CHKA: variants seen among roughly 807,000 people sequenced by gnomAD.
The protein encoded by CHKA is choline kinase alpha, also known as CHETK-alpha.
CHKA carries 34 observed loss-of-function variants against 60.1 expected under a neutral mutation model. That is an observed-to-expected ratio of 0.57 (90% CI 0.43 to 0.75). CHKA has a LOEUF of 0.75. Among genes scored for constraint, CHKA ranks in the 30% least tolerant of loss-of-function variants. CHKA has a pLI of 0.00. For synonymous variants in CHKA, 217 were observed against 223.1 expected (o/e 0.97, Z 0.24); for missense variants, 563 against 561.3 (o/e 1.00, Z -0.03).
chr11:68,077,308 G>A (rs1856824706), intron 3 of CHKA, among the ~76,000 whole-genome samples: 1 of 152,108 alleles, frequency 6.6e-6, no homozygotes, highest in Admixed American at 6.5e-5. Flanking sequence ...GGACAGCAGA[G>A]AATCCTAGAA....
chr11:68,076,586 G>A (rs1856797661), intron 3 of CHKA, among the ~76,000 whole-genome samples: 1 of 152,126 alleles, frequency 6.6e-6, no homozygotes, highest in Non-Finnish European at 1.5e-5. Flanking sequence ...CCCTCATGCT[G>A]TGTAAAACAC....
At chr11:68,103,416 A>G (rs1321574447) in intron 1 of CHKA, among the ~76,000 whole-genome samples, 1 of 152,136 alleles carries the variant, frequency 6.6e-6, no homozygotes, top group African/African-American at 2.4e-5. Flanking sequence ...GCTGACCACC[A>G]CTAGTCATTA....
At chr11:68,101,053 TTC>T (rs1300011882) in intron 1 of CHKA, among the ~76,000 whole-genome samples, 14 of 141,642 alleles carry the variant, frequency 9.9e-5, no homozygotes, top group African/African-American at 3.4e-4. Flanking sequence ...GTTCACACCA[TTC>T]TCCTGCCTCA....
intron 11 of CHKA, among the ~76,000 whole-genome samples, chr11:68,058,910 T>TA (rs199938984): frequency 2.6e-5 from 4 of 152,184 alleles, no homozygotes; most frequent in Non-Finnish European, 5.9e-5. Context: ...CCTTTTTTTT[T>TA]ATTGAGACAG....
chr11:68,096,094 T>TG (rs1857507506), intron 2 of CHKA, among the ~76,000 whole-genome samples: 1 of 150,724 alleles, frequency 6.6e-6, no homozygotes, highest in African/African-American at 2.4e-5. Flanking sequence ...CCGGGTGCGG[T>TG]GGCTCATGCC....
chr11:68,059,804 A>G (rs1174254581), intron 11 of CHKA, among the ~76,000 whole-genome samples: 2 of 152,168 alleles, frequency 1.3e-5, no homozygotes. Flanking sequence ...GGGCCAGCAT[A>G]TGGTCTATCT....
At position 68,076,194 on chromosome 11, in the gene CHKA, T is replaced by C. The variant is rs183679796; in HGVS notation, c.517-1364A>G. Among the ~76,000 whole-genome samples the C allele has an allele frequency of 1.5e-4, 23 of 152,320 alleles. No homozygotes were observed. The East Asian group carries it at 3.3e-3, about 22-fold the overall frequency. ...TCCTCACAATTATGGCCTGTGATCT[T>C]GTGAGGCTCAATCTTTCCTAATTTG... On this transcript the variant is annotated intron_variant, in intron 3 of 11. Transcript: ENST00000265689.
rs528582708 is a variant in CHKA, at chr11:68,066,325, AC to A, written c.1016+103del. 2.1e-3 allele frequency: 2,053 copies of A among 965,044 alleles called. 3 individuals carry two copies. Among genetic ancestry groups the A allele is most frequent in the Non-Finnish European group, 3.0e-3 (1,852 of 616,640 alleles). 59.8% of individuals were successfully genotyped at this position (965,044 alleles called of 1,614,324 possible). ...CTGATTCCAGGTGAAGCAGCTTGCA[AC>A]TCAGAGCGGCATTTTGACTTATTTT... On this transcript the variant is annotated intron_variant, in intron 8 of 11. Coordinates refer to ENST00000265689, the MANE Select transcript of CHKA (RefSeq NM_001277.3).
In CHKA at chr11:68,074,802, A is replaced by C; in HGVS notation, c.545T>G (p.Val182Gly). 1 of 1,614,180 alleles carries C rather than the reference A, an allele frequency of 6.2e-7. No individual in the cohort carries two copies. Among genetic ancestry groups the C allele is most frequent in the Non-Finnish European group, 8.5e-7 (1 of 1,180,026 alleles). Residue 182 changes from valine to glycine, a missense_variant, in exon 4 of 12, where the codon GTT (valine) becomes GGT (glycine). By Grantham distance (109) the Val-to-Gly change is moderately radical. Coordinates refer to ENST00000265689, the MANE Select transcript of CHKA (RefSeq NM_001277.3). ...CCTCTCTGCGAGAATGGCAAACATA[A>C]CGCTCTCCAGAACCATGGCCTCAGC... ...QGAEAMVLES[V>G]MFAILAERSL...
At chr11:68,080,621 C>G (rs892480965) in intron 3 of CHKA, among the ~76,000 whole-genome samples, 8 of 152,230 alleles carry the variant, frequency 5.3e-5, no homozygotes, top group Admixed American at 3.3e-4. Flanking sequence ...GCTGGGATTA[C>G]AGGTGTGAGC....
rs1228206833 is a variant in CHKA, at chr11:68,066,554, A to G, written c.929-38T>C. On this transcript the variant is annotated intron_variant, in intron 7 of 11. Transcript: ENST00000265689. ...TGGATAACATGGTTTATGTTTTACA[A>G]TAGAAGGCTCAAGTCCTTGAACAGC... 7.3e-6 allele frequency: 11 copies of G among 1,498,176 alleles called. No homozygotes were observed. The South Asian group carries it at 1.1e-4, about 15-fold the overall frequency. 92.8% of individuals were successfully genotyped at this position (1,498,176 alleles called of 1,614,324 possible).
chr11:68,099,713 G>A (rs1229872890), intron 1 of CHKA, among the ~76,000 whole-genome samples: 1 of 152,176 alleles, frequency 6.6e-6, no homozygotes, highest in Non-Finnish European at 1.5e-5. Context: ...ATGGGTTTCT[G>A]GCTACCAAGC....
intron 11 of CHKA, 65 bp from the exon 12 acceptor site, chr11:68,054,112 C>T: frequency 1.5e-6 from 2 of 1,355,638 alleles, no homozygotes; most frequent in Non-Finnish European, 2.1e-6. Context: ...GCCCATGTGT[C>T]CCCCAATCCC....
At chr11:68,059,095 G>A (rs1281400392) in intron 11 of CHKA, among the ~76,000 whole-genome samples, 2 of 152,038 alleles carry the variant, frequency 1.3e-5, no homozygotes, top group African/African-American at 2.4e-5. Context: ...GGGTTTCTCC[G>A]TGTTAGTCAG....
chr11:68,061,626 C>A, intron 11 of CHKA: 1 of 440,246 alleles, frequency 2.3e-6, no homozygotes, highest in Non-Finnish European at 4.6e-6. Context: ...GGACTGAGGT[C>A]AGAGCTGGAC....
At chr11:68,093,311 T>C (rs1206829665) in intron 2 of CHKA, among the ~76,000 whole-genome samples, 1 of 152,158 alleles carries the variant, frequency 6.6e-6, no homozygotes, top group Non-Finnish European at 1.5e-5. Flanking sequence ...TAATTTCCCT[T>C]TCTATCCAAG....
rs557533217 is a variant in CHKA, at chr11:68,119,821, G to T, written c.350+1007C>A. ...GAAGGATGCACACACTACGTTGAAT[G>T]GTTATGTCTTCGGAGCAGAGTGGTG... On this transcript the variant is annotated intron_variant, in intron 1 of 11. Transcript: ENST00000265689. Among the ~76,000 whole-genome samples the T allele has an allele frequency of 2.4e-4, 37 of 152,246 alleles. No individual in the cohort carries two copies. The South Asian group carries it at 7.7e-3, about 32-fold the overall frequency.
At chr11:68,091,405 T>C (rs1857345223) in intron 2 of CHKA, among the ~76,000 whole-genome samples, 1 of 152,218 alleles carries the variant, frequency 6.6e-6, no homozygotes, top group Admixed American at 6.5e-5. Context: ...TTCCTACAAA[T>C]AATATTGTAT....
At chr11:68,091,984 G>GTGCA (rs1384443671) in intron 2 of CHKA, among the ~76,000 whole-genome samples, 6 of 152,170 alleles carry the variant, frequency 3.9e-5, no homozygotes, top group African/African-American at 1.4e-4. Context: ...CCTATTATTT[G>GTGCA]TGCAGTAGAC....
Sources: gnomAD v4.1 joint callset for allele counts (sites outside exome capture counted in the v4.1 genomes callset) on GRCh38, gnomAD v4.1.1 for gene constraint, MANE v1.5 for transcripts, NCBI Gene and HGNC (gene_info 2026-07-23, HGNC 2026-07-21) for gene names.